Variants in IKZF2 observed in about 807,000 individuals in gnomAD.
The protein encoded by IKZF2 is IKAROS family zinc finger 2, also known as zinc finger protein Helios.
In IKZF2, 15 loss-of-function variants were observed where a neutral mutation model predicts 49.2. The observed-to-expected ratio is 0.30, with a 90% CI of 0.20 to 0.47. The LOEUF (loss-of-function observed/expected upper bound fraction) is 0.47. Ranked by LOEUF, IKZF2 falls within the 20% of genes least tolerant of loss-of-function variation. The pLI, the probability that IKZF2 is intolerant of heterozygous loss-of-function variation, is 1.00. For synonymous variants in IKZF2, 227 were observed against 221.4 expected (o/e 1.03, Z -0.23); for missense variants, 567 against 664.6 (o/e 0.85, Z 1.61).
At chr2:213,093,401 C>A (rs559749117) in intron 4 of IKZF2, among the ~76,000 whole-genome samples, 1 of 152,224 alleles carries the variant, frequency 6.6e-6, no homozygotes, top group Non-Finnish European at 1.5e-5. Context: ...GGCCTTTGCA[C>A]ATATACAATG....
chr2:213,098,493 C>T (rs1488611992), intron 4 of IKZF2, among the ~76,000 whole-genome samples: 2 of 152,060 alleles, frequency 1.3e-5, no homozygotes, highest in African/African-American at 4.8e-5. Context: ...ATAAATGGTC[C>T]TTCCATCACA....
intron 4 of IKZF2, among the ~76,000 whole-genome samples, chr2:213,130,757 C>T (rs569635433): frequency 6.6e-6 from 1 of 152,022 alleles, no homozygotes; most frequent in African/African-American, 2.4e-5. Context: ...CCTATATATG[C>T]CAGTTAGATA....
chr2:213,135,681 T>C (rs532730216), intron 4 of IKZF2, among the ~76,000 whole-genome samples: 1 of 120,912 alleles, frequency 8.3e-6, no homozygotes, highest in Non-Finnish European at 1.7e-5. Flanking sequence ...CAAGACCCCA[T>C]CTCAGGAAAG....
chr2:213,149,205 A>C (rs982895997), intron 2 of IKZF2, among the ~76,000 whole-genome samples: 5 of 152,314 alleles, frequency 3.3e-5, no homozygotes, highest in African/African-American at 1.2e-4. Context: ...TTGACATTTT[A>C]ACCTACCCCA....
chr2:213,008,128 AT>A (rs752294982), intron 8 of IKZF2, 44 bp from the exon 9 acceptor site: 12 of 1,398,012 alleles, frequency 8.6e-6, no homozygotes, highest in South Asian at 5.7e-5. Context: ...AAAAAAAAAA[AT>A]ACAACAACAT....
chr2:213,105,389 G>A (rs545691923), intron 4 of IKZF2, among the ~76,000 whole-genome samples: 2 of 152,156 alleles, frequency 1.3e-5, no homozygotes, highest in African/African-American at 4.8e-5. Context: ...GGTTTTGGGG[G>A]AAGGGAGGAA....
chr2:213,019,725 C>T (rs982865005), intron 7 of IKZF2, among the ~76,000 whole-genome samples: 1 of 152,140 alleles, frequency 6.6e-6, no homozygotes, highest in African/African-American at 2.4e-5. Context: ...ACCCAGTGCC[C>T]CTACCCCTTT....
At chr2:213,148,726 A>G in intron 2 of IKZF2, 82 bp from the exon 3 acceptor site, 1 of 1,182,020 alleles carries the variant, frequency 8.5e-7, no homozygotes, top group Non-Finnish European at 1.3e-6. Flanking sequence ...TTGAAGCTCC[A>G]AGCAGTTAGT....
At chr2:213,037,052 C>G (rs1228381492) in intron 6 of IKZF2, among the ~76,000 whole-genome samples, 2 of 152,108 alleles carry the variant, frequency 1.3e-5, no homozygotes, top group East Asian at 3.9e-4. Context: ...TCCAAACATG[C>G]CAGGCCTGCA....
chr2:213,005,191 T>TGGCGG lies in IKZF2; in HGVS notation c.*2168_*2169insCCGCC, dbSNP rs774979216. 26 of 76,808 alleles carry TGGCGG rather than the reference T, an allele frequency of 3.4e-4. 1 individual carries two copies. The East Asian group carries it at 0.011, about 34-fold the overall frequency. 4.8% of individuals were successfully genotyped at this position (76,808 alleles called of 1,614,324 possible). Reference sequence around the variant, plus strand: ...CAATTATTATTTGGGAGTGGTTGGGTGGGGGGGGGTGAGCGAGTCTCAAAA... The same window carrying TGGCGG: ...CAATTATTATTTGGGAGTGGTTGGGTGGCGGGGGGGGGGGTGAGCGAGTCTCAAAA... On this transcript the variant is annotated 3_prime_UTR_variant, in exon 9 of 9. Coordinates refer to ENST00000434687, the MANE Select transcript of IKZF2 (RefSeq NM_001387220.1).
intron 4 of IKZF2, among the ~76,000 whole-genome samples, chr2:213,087,160 T>C (rs1479574435): frequency 2.0e-5 from 3 of 152,062 alleles, no homozygotes; most frequent in African/African-American, 7.2e-5. Flanking sequence ...TGATATGCAA[T>C]GTATAGTAAA....
At position 213,000,958 on chromosome 2, in the gene IKZF2, T is replaced by C. The variant is rs767587352; in HGVS notation, c.*6402A>G. 4.0e-5 allele frequency: 6 copies of C among 151,696 alleles called. No individual in the cohort carries two copies. The highest frequency in any genetic ancestry group is 5.9e-5 in the Non-Finnish European group (4 of 67,580). The allele number at this position is 151,696 out of a possible 1,614,324, so 9.4% of individuals were successfully genotyped here. A position where few individuals can be genotyped will look rare whatever the true frequency, so the allele number is the denominator to read the frequency against. On this transcript the variant is annotated 3_prime_UTR_variant, in exon 9 of 9. Coordinates refer to ENST00000434687, the MANE Select transcript of IKZF2 (RefSeq NM_001387220.1). ...GATCAGACTAGTGGTTTCCACATTCTGTAATCTTTTGATTGTGGAGTGTTT... is the reference window on the plus strand; with the variant it reads ...GATCAGACTAGTGGTTTCCACATTCCGTAATCTTTTGATTGTGGAGTGTTT...
intron 6 of IKZF2, among the ~76,000 whole-genome samples, chr2:213,029,448 AT>A (rs1194828454): frequency 6.6e-6 from 1 of 152,066 alleles, no homozygotes; most frequent in Non-Finnish European, 1.5e-5. Context: ...TGTTCAAAAT[AT>A]CCCCATATTA....
chr2:213,047,404 G>A (rs1044573443), intron 6 of IKZF2, among the ~76,000 whole-genome samples: 3 of 152,034 alleles, frequency 2.0e-5, no homozygotes, highest in African/African-American at 7.2e-5. Context: ...TATTATATAT[G>A]GCCAACATCA....
chr2:213,010,277 A>T (rs1305840859), intron 8 of IKZF2, among the ~76,000 whole-genome samples: 1 of 152,108 alleles, frequency 6.6e-6, no homozygotes, highest in Non-Finnish European at 1.5e-5. Context: ...AAGCCAAGGA[A>T]ATAACTGATA....
chr2:213,095,645 T>A (rs1705888691), intron 4 of IKZF2, among the ~76,000 whole-genome samples: 1 of 152,088 alleles, frequency 6.6e-6, no homozygotes, highest in African/African-American at 2.4e-5. Context: ...TAAAAATATG[T>A]CTTTCAAATT....
chr2:213,016,741 A>T (rs879333278), intron 7 of IKZF2, among the ~76,000 whole-genome samples: 3 of 152,282 alleles, frequency 2.0e-5, no homozygotes, highest in Admixed American at 2.0e-4. Context: ...CTGTTTCATC[A>T]CGTTGATAAC....
intron 4 of IKZF2, among the ~76,000 whole-genome samples, chr2:213,126,501 C>T (rs574886752): frequency 6.6e-6 from 1 of 152,116 alleles, no homozygotes; most frequent in Admixed American, 6.5e-5. Flanking sequence ...TTCCTACTTT[C>T]CTGACCATAT....
In IKZF2 at chr2:213,148,585, C is replaced by T. The variant is rs779337989; in HGVS notation, c.34+11G>A. ...ATTACCAATAACAAATCAATGAAAACTAATACTTACACGTTATATAGCCAT... is the reference window on the plus strand; with the variant it reads ...ATTACCAATAACAAATCAATGAAAATTAATACTTACACGTTATATAGCCAT... On this transcript the variant is annotated intron_variant, in intron 3 of 8. Coordinates refer to ENST00000434687, the MANE Select transcript of IKZF2 (RefSeq NM_001387220.1). 6.2e-7 allele frequency: 1 copy of T among 1,600,780 alleles called. No individual in the cohort carries two copies. Among genetic ancestry groups the T allele is most frequent in the East Asian group, 2.2e-5 (1 of 44,684 alleles).
Sources: gnomAD v4.1 joint callset for allele counts (sites outside exome capture counted in the v4.1 genomes callset) on GRCh38, gnomAD v4.1.1 for gene constraint, MANE v1.5 for transcripts, NCBI Gene and HGNC (gene_info 2026-07-23, HGNC 2026-07-21) for gene names.